ADAMTS17: variants seen among roughly 807,000 people sequenced by gnomAD.
ADAMTS17 encodes ADAM metallopeptidase with thrombospondin type 1 motif 17, also known as A disintegrin and metalloproteinase with thrombospondin motifs 17.
Under a neutral mutation model 141.5 loss-of-function variants are expected in ADAMTS17, and 113 were observed. The ratio of observed to expected loss-of-function variants is 0.80; its 90% CI spans 0.69 to 0.93. The LOEUF (loss-of-function observed/expected upper bound fraction) is 0.93. ADAMTS17 is among the 40% of genes least tolerant of loss of function. ADAMTS17 has a pLI of 0.00. For missense variants in ADAMTS17, 1,659 were observed against 1,517.9 expected (o/e 1.09, Z -1.54); for synonymous variants, 768 against 630.6 (o/e 1.22, Z -3.27).
chr15:100,237,730 TCTC>T (rs1261698942), intron 7 of ADAMTS17, among the ~76,000 whole-genome samples: 1 of 152,112 alleles, frequency 6.6e-6, no homozygotes, highest in Admixed American at 6.5e-5. Flanking sequence ...TTCAAGCAAT[TCTC>T]CTGTCTCCGC....
chr15:100,095,428 TGCCTCACCTTACG>T (rs1484388119), intron 15 of ADAMTS17, among the ~76,000 whole-genome samples: 1 of 152,170 alleles, frequency 6.6e-6, no homozygotes, highest in Admixed American at 6.5e-5. Context: ...GAGGAGAGCA[TGCCTCACCTTACG>T]GGGCTGTTCT....
At chr15:100,334,171 C>G (rs188438147) in intron 2 of ADAMTS17, among the ~76,000 whole-genome samples, 6 of 152,280 alleles carry the variant, frequency 3.9e-5, no homozygotes, top group Non-Finnish European at 5.9e-5. Flanking sequence ...TGAAGCAGGA[C>G]GAGCTCTCAC....
intron 18 of ADAMTS17, among the ~76,000 whole-genome samples, chr15:100,010,267 G>A (rs2061136590): frequency 6.6e-6 from 1 of 152,202 alleles, no homozygotes. Context: ...ACTAATACAG[G>A]GTTCCTCACC....
chr15:100,151,922 G>A (rs1347757662), intron 10 of ADAMTS17, among the ~76,000 whole-genome samples: 1 of 152,208 alleles, frequency 6.6e-6, no homozygotes, highest in Non-Finnish European at 1.5e-5. Context: ...GGGTGAATGA[G>A]ACTTGAGTTC....
chr15:100,332,213 G>A (rs1029110667), intron 2 of ADAMTS17, among the ~76,000 whole-genome samples: 2 of 152,212 alleles, frequency 1.3e-5, no homozygotes, highest in African/African-American at 4.8e-5. Flanking sequence ...ACCTGCAGGA[G>A]AGCACAGCTT....
chr15:100,030,724 T>A (rs1180435512), intron 18 of ADAMTS17, among the ~76,000 whole-genome samples: 1 of 152,206 alleles, frequency 6.6e-6, no homozygotes, highest in African/African-American at 2.4e-5. Flanking sequence ...TACTCTGAAA[T>A]ACGTATAAAT....
intron 3 of ADAMTS17, among the ~76,000 whole-genome samples, chr15:100,328,234 C>T (rs1041495696): frequency 2.0e-5 from 3 of 152,106 alleles, no homozygotes; most frequent in Non-Finnish European, 2.9e-5. Flanking sequence ...TGCAGATGTC[C>T]CAGTAAATTA....
At chr15:100,019,565 T>C (rs1055555489) in intron 18 of ADAMTS17, among the ~76,000 whole-genome samples, 1 of 152,190 alleles carries the variant, frequency 6.6e-6, no homozygotes. Flanking sequence ...ACTGAACATG[T>C]GCTACCCGGT....
intron 18 of ADAMTS17, among the ~76,000 whole-genome samples, chr15:100,019,811 G>A (rs999806022): frequency 2.6e-5 from 4 of 152,170 alleles, no homozygotes; most frequent in East Asian, 3.9e-4. Context: ...AGCAGCTGCC[G>A]TGGTTCTGAG....
chr15:100,306,355 C>A, intron 3 of ADAMTS17: 1 of 396,012 alleles, frequency 2.5e-6, no homozygotes, highest in Admixed American at 2.9e-5. Context: ...TCCTGCTGGG[C>A]TTGCGGGAAC....
intron 7 of ADAMTS17, among the ~76,000 whole-genome samples, chr15:100,222,223 G>T (rs2042155704): frequency 6.6e-6 from 1 of 152,154 alleles, no homozygotes; most frequent in Admixed American, 6.5e-5. Context: ...CAGAAAGGAA[G>T]CAGAGTGCCA....
chr15:100,167,447 A>G (rs1415059007), intron 8 of ADAMTS17, among the ~76,000 whole-genome samples: 2 of 152,134 alleles, frequency 1.3e-5, no homozygotes, highest in East Asian at 3.9e-4. Flanking sequence ...GGATGCCGTC[A>G]TCCGTGAAAA....
chr15:100,213,281 G>GAAAA (rs907573299), intron 7 of ADAMTS17, among the ~76,000 whole-genome samples: 29 of 152,160 alleles, frequency 1.9e-4, no homozygotes, highest in Non-Finnish European at 5.9e-5. Context: ...TCTGTTTTCT[G>GAAAA]AAAATTAGTA....
At chr15:100,267,090 T>C (rs74039121) in intron 4 of ADAMTS17, among the ~76,000 whole-genome samples, 1,740 of 152,244 alleles carry the variant, frequency 0.011, 29 homozygotes, top group African/African-American at 0.04. Context: ...TATTGTACAA[T>C]TAACCTCCAG....
At chr15:100,148,008 A>G (rs901775731) in intron 10 of ADAMTS17, among the ~76,000 whole-genome samples, 2 of 152,088 alleles carry the variant, frequency 1.3e-5, no homozygotes, top group African/African-American at 4.8e-5. Context: ...TCCTTGCATC[A>G]CTCCGACTTC....
rs544005451 is a variant in ADAMTS17, at chr15:100,082,548, C to A, written c.2137+13808G>T. Among the ~76,000 whole-genome samples the A allele has an allele frequency of 6.6e-5, 10 of 151,990 alleles. No individual in the cohort carries two copies. In the East Asian group the frequency reaches 1.7e-3, roughly 26 times the overall value. ...CTTCAGGCACACACCACCGTGTCTACCTGATTTTTTTGTATTTTTTGTAGA... is the reference window on the plus strand; with the variant it reads ...CTTCAGGCACACACCACCGTGTCTAACTGATTTTTTTGTATTTTTTGTAGA... On this transcript the variant is annotated intron_variant, in intron 15 of 21. Coordinates refer to ENST00000268070, the MANE Select transcript of ADAMTS17 (RefSeq NM_139057.4).
At chr15:100,286,223 A>G (rs1048693623) in intron 3 of ADAMTS17, among the ~76,000 whole-genome samples, 4 of 152,124 alleles carry the variant, frequency 2.6e-5, no homozygotes, top group African/African-American at 9.7e-5. Flanking sequence ...CCCTCCCCGC[A>G]AAACGTGAAT....
chr15:100,105,391 AATG>A (rs1167817177), intron 14 of ADAMTS17, among the ~76,000 whole-genome samples: 5 of 152,174 alleles, frequency 3.3e-5, no homozygotes, highest in Non-Finnish European at 7.4e-5. Context: ...CAATCCCTGC[AATG>A]ATGATGACAA....
chr15:100,169,544 C>T (rs549093516), intron 8 of ADAMTS17, among the ~76,000 whole-genome samples: 1 of 152,316 alleles, frequency 6.6e-6, no homozygotes, highest in Non-Finnish European at 1.5e-5. Context: ...GGAAGCTTGC[C>T]TGAGGTAACT....
Sources: allele counts gnomAD v4.1 joint callset (sites outside exome capture counted in the v4.1 genomes callset), GRCh38; gene constraint gnomAD v4.1.1; transcripts MANE v1.5; gene names NCBI Gene and HGNC (gene_info 2026-07-23, HGNC 2026-07-21).